Variants in SDK1 observed in about 807,000 individuals in gnomAD.
SDK1 encodes the protein sidekick cell adhesion molecule 1.
A neutral mutation model predicts 245.5 loss-of-function variants in SDK1; 157 were observed. The observed-to-expected ratio is 0.64, with a 90% CI of 0.56 to 0.73. The LOEUF (loss-of-function observed/expected upper bound fraction) is 0.73, where lower values mean the gene tolerates loss of function less well. Ranked by LOEUF, SDK1 falls within the 30% of genes least tolerant of loss-of-function variation. The pLI, the probability that SDK1 is intolerant of heterozygous loss-of-function variation, is 0.00. For missense variants in SDK1, 3,583 were observed against 3,002.3 expected, an observed-to-expected ratio of 1.19 and a Z score of -4.52; for synonymous variants, 1,647 against 1,278.5, an observed-to-expected ratio of 1.29 and a Z score of -6.15.
intron 4 of SDK1, among the ~76,000 whole-genome samples, chr7:3,800,002 T>A (rs1248721134): frequency 6.6e-6 from 1 of 152,204 alleles, no homozygotes; most frequent in Non-Finnish European, 1.5e-5. Context: ...CTGTTTAGAT[T>A]ACTATGCAGG....
chr7:4,246,312 G>A (rs1026005976), intron 44 of SDK1, among the ~76,000 whole-genome samples: 3 of 152,214 alleles, frequency 2.0e-5, no homozygotes, highest in African/African-American at 2.4e-5. Flanking sequence ...ATGTAGTCCC[G>A]GGGTAACTGG....
chr7:3,455,502 A>G (rs576821368), intron 1 of SDK1, among the ~76,000 whole-genome samples: 19 of 151,930 alleles, frequency 1.3e-4, no homozygotes, highest in African/African-American at 3.6e-4. Flanking sequence ...TAATTGTTCA[A>G]TGGATGCCTA....
At chr7:3,650,623 C>T (rs1161507462) in intron 4 of SDK1, among the ~76,000 whole-genome samples, 1 of 152,162 alleles carries the variant, frequency 6.6e-6, no homozygotes, top group Admixed American at 6.5e-5. Flanking sequence ...AGGATACTGA[C>T]TTTGATACAT....
At chr7:3,636,131 C>T (rs1782451473) in intron 2 of SDK1, among the ~76,000 whole-genome samples, 1 of 152,126 alleles carries the variant, frequency 6.6e-6, no homozygotes, top group South Asian at 2.1e-4. Flanking sequence ...AATTATACGC[C>T]CATGAAACTT....
chr7:3,905,300 A>C (rs941537419), intron 5 of SDK1, among the ~76,000 whole-genome samples: 1 of 152,126 alleles, frequency 6.6e-6, no homozygotes, highest in African/African-American at 2.4e-5. Context: ...TGCCGCAATG[A>C]ATATTTGTGC....
intron 14 of SDK1, among the ~76,000 whole-genome samples, chr7:4,008,868 C>A (rs1785708757): frequency 6.6e-6 from 1 of 152,170 alleles, no homozygotes; most frequent in African/African-American, 2.4e-5. Flanking sequence ...CAGGTATGCA[C>A]ATATCTCTTC....
chr7:3,911,425 G>T (rs1197556740), intron 5 of SDK1, among the ~76,000 whole-genome samples: 1 of 152,148 alleles, frequency 6.6e-6, no homozygotes, highest in Non-Finnish European at 1.5e-5. Context: ...CAAGGCACCA[G>T]CACATTCGGT....
At chr7:3,570,070 A>C (rs1179054533) in intron 1 of SDK1, among the ~76,000 whole-genome samples, 1 of 152,194 alleles carries the variant, frequency 6.6e-6, no homozygotes, top group Non-Finnish European at 1.5e-5. Flanking sequence ...GGACAGAAAC[A>C]ACTGGCTCCT....
intron 1 of SDK1, among the ~76,000 whole-genome samples, chr7:3,563,905 C>G (rs1376296274): frequency 6.6e-6 from 1 of 151,956 alleles, no homozygotes; most frequent in Admixed American, 6.6e-5. Context: ...GTCCCTAACT[C>G]CCAAAAAACC....
At chr7:3,335,022 A>G (rs1490639761) in intron 1 of SDK1, among the ~76,000 whole-genome samples, 1 of 152,112 alleles carries the variant, frequency 6.6e-6, no homozygotes. Flanking sequence ...CCATTAGTAA[A>G]TTCTGTTTTC....
At chr7:3,538,450 G>C (rs1778958497) in intron 1 of SDK1, among the ~76,000 whole-genome samples, 1 of 152,106 alleles carries the variant, frequency 6.6e-6, no homozygotes, top group South Asian at 2.1e-4. Flanking sequence ...TCTGAGGCAA[G>C]TTCAGAAATC....
intron 1 of SDK1, among the ~76,000 whole-genome samples, chr7:3,525,624 C>CT (rs1333201730): frequency 1.3e-5 from 2 of 151,700 alleles, no homozygotes; most frequent in Admixed American, 6.6e-5. Context: ...CCTGTCAGGT[C>CT]TTTTTTTTCT....
At chr7:4,084,664 ATGTTATGTTACGTT>A (rs1376702655) in intron 22 of SDK1, among the ~76,000 whole-genome samples, 24 of 107,038 alleles carry the variant, frequency 2.2e-4, no homozygotes, top group African/African-American at 1.8e-3. Context: ...TTAAATGTAT[ATGTTATGTTACGTT>A]ATGTTATGTT....
At chr7:3,374,098 G>A (rs1781294153) in intron 1 of SDK1, among the ~76,000 whole-genome samples, 1 of 152,042 alleles carries the variant, frequency 6.6e-6, no homozygotes, top group Non-Finnish European at 1.5e-5. Context: ...TTGACACTCT[G>A]ATATCCACGG....
At chr7:3,753,493 A>G (rs938749985) in intron 4 of SDK1, among the ~76,000 whole-genome samples, 5 of 152,216 alleles carry the variant, frequency 3.3e-5, no homozygotes, top group Non-Finnish European at 5.9e-5. Flanking sequence ...GCCCATTGCA[A>G]GAAAGAAAAC....
intron 40 of SDK1, among the ~76,000 whole-genome samples, chr7:4,225,223 G>A (rs996770650): frequency 6.6e-6 from 1 of 151,554 alleles, no homozygotes; most frequent in Non-Finnish European, 1.5e-5. Flanking sequence ...TGTTACCACT[G>A]GGGGACACTG....
intron 14 of SDK1, among the ~76,000 whole-genome samples, chr7:3,994,797 C>T (rs1278239366): frequency 6.6e-6 from 1 of 152,194 alleles, no homozygotes; most frequent in Non-Finnish European, 1.5e-5. Context: ...CCACCACTGA[C>T]CCTAACTGGC....
At chr7:3,596,349 A>G (rs1425807773) in intron 1 of SDK1, among the ~76,000 whole-genome samples, 1 of 152,244 alleles carries the variant, frequency 6.6e-6, no homozygotes, top group East Asian at 1.9e-4. Context: ...AGTGACCATC[A>G]GAACAAACCA....
intron 35 of SDK1, among the ~76,000 whole-genome samples, chr7:4,202,195 A>G (rs150647562): frequency 2.0e-5 from 3 of 152,066 alleles, no homozygotes; most frequent in East Asian, 1.9e-4. Context: ...TCTCTCTCTG[A>G]TGAAACTTGT....
Sources: gnomAD v4.1 joint callset for allele counts (sites outside exome capture counted in the v4.1 genomes callset) on GRCh38, gnomAD v4.1.1 for gene constraint, MANE v1.5 for transcripts, NCBI Gene and HGNC (gene_info 2026-07-23, HGNC 2026-07-21) for gene names.